CUX1: variants seen among roughly 807,000 people sequenced by gnomAD.
The protein encoded by CUX1 is cut like homeobox 1, also known as protein CASP.
A neutral mutation model predicts 158.8 loss-of-function variants in CUX1; 31 were observed. That is an observed-to-expected ratio of 0.20 (90% confidence interval 0.15 to 0.26). CUX1 has a LOEUF of 0.26. Ranked by LOEUF, CUX1 falls within the 10% of genes least tolerant of loss-of-function variation. CUX1 has a pLI of 1.00. For synonymous variants in CUX1, 879 were observed against 862.1 expected, an observed-to-expected ratio of 1.02 and a Z score of -0.34; for missense variants, 1,589 against 2,014.6, an observed-to-expected ratio of 0.79 and a Z score of 4.04.
At chr7:102,133,588 G>GC (rs542053678) in intron 8 of CUX1, among the ~76,000 whole-genome samples, 2 of 140,264 alleles carry the variant, frequency 1.4e-5, no homozygotes, top group African/African-American at 5.4e-5. Flanking sequence ...CGATTCTCCT[G>GC]CCTTAGCCTA....
intron 7 of CUX1, among the ~76,000 whole-genome samples, chr7:102,112,578 T>TTTTTG (rs1554490505): frequency 8.2e-5 from 2 of 24,442 alleles, no homozygotes; most frequent in African/African-American, 5.3e-4. Context: ...TTTGTTTTTG[T>TTTTTG]TTTTTTTTTG....
chr7:101,996,358 A>G (rs961448921), intron 2 of CUX1, among the ~76,000 whole-genome samples: 2 of 151,620 alleles, frequency 1.3e-5, no homozygotes, highest in Non-Finnish European at 2.9e-5. Context: ...TCAGCTGGCT[A>G]TCCTGGAACC....
chr7:102,224,265 G>A (rs1798131090), intron 20 of CUX1, among the ~76,000 whole-genome samples: 1 of 152,094 alleles, frequency 6.6e-6, no homozygotes, highest in African/African-American at 2.4e-5. Flanking sequence ...GGAGTGCCAT[G>A]GCACGATCTC....
At chr7:102,168,213 T>C (rs1438813855) in intron 9 of CUX1, among the ~76,000 whole-genome samples, 4 of 151,952 alleles carry the variant, frequency 2.6e-5, no homozygotes, top group African/African-American at 7.3e-5. Flanking sequence ...CGAGAGATAG[T>C]GACAGAGGTG....
At chr7:102,222,102 T>C (rs1236477183) in intron 20 of CUX1, among the ~76,000 whole-genome samples, 1 of 151,884 alleles carries the variant, frequency 6.6e-6, no homozygotes, top group Admixed American at 6.6e-5. Context: ...CTCTACAAAA[T>C]ATACAAAAAT....
intron 8 of CUX1, among the ~76,000 whole-genome samples, chr7:102,123,458 A>T (rs2131219110): frequency 6.6e-6 from 1 of 151,282 alleles, no homozygotes; most frequent in Non-Finnish European, 1.5e-5. Context: ...AAATATAAAA[A>T]ATGAGCCAGG....
At chr7:101,879,940 G>T (rs1315489120) in intron 1 of CUX1, among the ~76,000 whole-genome samples, 2 of 152,198 alleles carry the variant, frequency 1.3e-5, no homozygotes. Flanking sequence ...TTTGGTGGTG[G>T]GTGGCGACAA....
chr7:101,998,984 C>T (rs997872285), intron 2 of CUX1, among the ~76,000 whole-genome samples: 8 of 152,082 alleles, frequency 5.3e-5, no homozygotes, highest in African/African-American at 9.7e-5. Context: ...TTTCCCTCCT[C>T]GGGCAGGAGC....
intron 21 of CUX1, among the ~76,000 whole-genome samples, chr7:102,228,170 C>G (rs555821493): frequency 6.6e-6 from 1 of 150,952 alleles, no homozygotes; most frequent in South Asian, 2.2e-4. Context: ...AGGCTGGTCT[C>G]GAACTCTTGG....
At chr7:101,987,174 C>G (rs1023211894) in intron 2 of CUX1, among the ~76,000 whole-genome samples, 2 of 152,186 alleles carry the variant, frequency 1.3e-5, no homozygotes, top group African/African-American at 4.8e-5. Flanking sequence ...TGTTTGCTTT[C>G]GATTCACTCC....
At chr7:101,971,854 G>T (rs1811996667) in intron 2 of CUX1, among the ~76,000 whole-genome samples, 1 of 152,206 alleles carries the variant, frequency 6.6e-6, no homozygotes, top group Non-Finnish European at 1.5e-5. Flanking sequence ...TGGTCTAAAA[G>T]AAGACAAGAG....
intron 10 of CUX1, among the ~76,000 whole-genome samples, chr7:102,177,432 AAAG>A (rs199969992): frequency 0.064 from 9,729 of 151,794 alleles, 440 homozygotes; most frequent in African/African-American, 0.11. Context: ...AAAAAAAAGA[AAAG>A]AAAAAGAAAA....
At chr7:101,836,997 C>T (rs950870054) in intron 1 of CUX1, among the ~76,000 whole-genome samples, 2 of 152,212 alleles carry the variant, frequency 1.3e-5, no homozygotes, top group East Asian at 3.9e-4. Flanking sequence ...AGTCAAATTT[C>T]CTCATCCTTT....
In CUX1 at chr7:102,239,305, T is replaced by C. The variant is rs782382996; in HGVS notation, c.3623-15T>C. 6.3e-7 allele frequency: 1 copy of C among 1,591,892 alleles called. No homozygotes were observed. Among genetic ancestry groups the C allele is most frequent in the Admixed American group, 1.7e-5 (1 of 58,874 alleles). Reference sequence around the variant, plus strand: ...AGCTGGGCCTGACCTTAGTCTGCCATCTCTTCCTCCGCAGCCTACATGAAG... The same window carrying C: ...AGCTGGGCCTGACCTTAGTCTGCCACCTCTTCCTCCGCAGCCTACATGAAG... On this transcript the variant is annotated splice_polypyrimidine_tract_variant and intron_variant, in intron 22 of 23. Transcript: ENST00000292535.
At chr7:102,276,132 G>A (rs803084) in intron 17 of CUX1, among the ~76,000 whole-genome samples, 41,882 of 151,924 alleles carry the variant, frequency 0.28, 5,972 homozygotes, top group East Asian at 0.5. Context: ...GGCTGTGGCG[G>A]ATAATTCTGC....
chr7:101,944,587 T>C (rs1343386220), intron 2 of CUX1, among the ~76,000 whole-genome samples: 2 of 152,210 alleles, frequency 1.3e-5, no homozygotes, highest in Non-Finnish European at 2.9e-5. Context: ...GGTCACACTT[T>C]GGTGCATTTC....
In CUX1 at chr7:102,264,370, A is replaced by G. The variant is rs80282690; in HGVS notation, c.1256-8996A>G. Among the ~76,000 whole-genome samples, 559 of 152,316 alleles carry G rather than the reference A, an allele frequency of 3.7e-3. 2 individuals are homozygous for G. The highest frequency in any genetic ancestry group is 5.1e-3 in the Non-Finnish European group (348 of 68,030). On this transcript the variant is annotated intron_variant, in intron 14 of 22. Coordinates refer to the CUX1 transcript ENST00000292538. ...AACGAGCCCTGCAGATGTGAGAAGG[A>G]AGGACGTTCTAGGCAGTGAGAACTG...
intron 2 of CUX1, among the ~76,000 whole-genome samples, chr7:102,015,375 A>G (rs1032703119): frequency 1.3e-5 from 2 of 152,020 alleles, no homozygotes; most frequent in Admixed American, 6.6e-5. Flanking sequence ...CTACAGGCAC[A>G]CACCACCATG....
At chr7:101,969,359 C>CAAAAAAAAAAAAAAAAAAAAAAAAACAA (rs10711703) in intron 2 of CUX1, among the ~76,000 whole-genome samples, 2 of 56,112 alleles carry the variant, frequency 3.6e-5, no homozygotes, top group African/African-American at 7.5e-5. Flanking sequence ...CAAAAAACAG[C>CAAAAAAAAAAAAAAAAAAAAAAAAACAA]AAAAAAAAAA....
Sources: allele counts gnomAD v4.1 joint callset (sites outside exome capture counted in the v4.1 genomes callset), GRCh38; gene constraint gnomAD v4.1.1; transcripts MANE v1.5; gene names NCBI Gene and HGNC (gene_info 2026-07-23, HGNC 2026-07-21).